DPP6: variants seen among roughly 807,000 people sequenced by gnomAD.
DPP6 encodes dipeptidyl peptidase like 6.
In DPP6, 69 loss-of-function variants were observed where a neutral mutation model predicts 122.6. That is an observed-to-expected ratio of 0.56 (90% CI 0.46 to 0.69). The LOEUF is 0.69. Ranked by LOEUF, DPP6 falls within the 30% of genes least tolerant of loss-of-function variation. The probability of loss-of-function intolerance (pLI) is 0.00; values close to 1 mark genes in which losing one functional copy is unlikely to be tolerated. For missense variants in DPP6, 928 were observed against 1,116.9 expected (o/e 0.83, Z 2.41); for synonymous variants, 418 against 433.1 (o/e 0.97, Z 0.43).
chr7:153,897,638 C>A (rs1422734462), intron 1 of DPP6, among the ~76,000 whole-genome samples: 1 of 152,144 alleles, frequency 6.6e-6, no homozygotes, highest in Non-Finnish European at 1.5e-5. Context: ...GGGAAAATGT[C>A]TCTATTTCTT....
In DPP6 at chr7:154,408,173, G is replaced by C. The variant is rs565545841; in HGVS notation, c.244-38041G>C. Among the ~76,000 whole-genome samples, 6 of 152,212 alleles carry C rather than the reference G, an allele frequency of 3.9e-5. No homozygotes were observed. In the East Asian group the frequency reaches 9.7e-4, roughly 25 times the overall value. Reference sequence around the variant, plus strand: ...TAATAGTATTTACTAATGTTTCAAGGTAGAAAAATGAAATATGAATTAGGA... The same window carrying C: ...TAATAGTATTTACTAATGTTTCAAGCTAGAAAAATGAAATATGAATTAGGA... On this transcript the variant is annotated intron_variant, in intron 1 of 25. Transcript: ENST00000377770.
At chr7:154,851,261 A>G (rs1802359368) in intron 16 of DPP6, among the ~76,000 whole-genome samples, 1 of 152,212 alleles carries the variant, frequency 6.6e-6, no homozygotes, top group Non-Finnish European at 1.5e-5. Context: ...TTTCCTCTGT[A>G]AAATATGGTT....
At chr7:153,885,508 G>A (rs1159233548), upstream of DPP6, among the ~76,000 whole-genome samples, 5 of 152,052 alleles carry the variant, frequency 3.3e-5, no homozygotes, top group African/African-American at 1.2e-4. Flanking sequence ...CTGAGAAGGC[G>A]CCATCTGTGA....
At chr7:154,880,043 A>G (rs1287160380) in intron 20 of DPP6, among the ~76,000 whole-genome samples, 3 of 152,252 alleles carry the variant, frequency 2.0e-5, no homozygotes, top group Non-Finnish European at 4.4e-5. Context: ...CCTCTTTACT[A>G]GAAAATGTCT....
chr7:154,182,385 C>T (rs966328838), intron 1 of DPP6, among the ~76,000 whole-genome samples: 1 of 152,100 alleles, frequency 6.6e-6, no homozygotes, highest in Non-Finnish European at 1.5e-5. Context: ...GCTCTGCTGT[C>T]CCCCTCCTCA....
intron 1 of DPP6, among the ~76,000 whole-genome samples, chr7:154,410,804 G>C (rs1816531946): frequency 6.6e-6 from 1 of 152,160 alleles, no homozygotes; most frequent in Non-Finnish European, 1.5e-5. Flanking sequence ...TTTTCCCTTA[G>C]AGCTTGATTG....
chr7:154,640,286 A>G lies in DPP6; in HGVS notation c.680+2413A>G, dbSNP rs960406152. On this transcript the variant is annotated intron_variant, in intron 6 of 25. Transcript: ENST00000377770. Reference sequence around the variant, plus strand: ...AAAAACAACAATTGGGATTAATTCAAAGGTCACAATGCAGAGAACAAACGT... The same window carrying G: ...AAAAACAACAATTGGGATTAATTCAGAGGTCACAATGCAGAGAACAAACGT... Among the ~76,000 whole-genome samples the G allele has an allele frequency of 4.6e-5, 7 of 152,282 alleles. No homozygotes were observed. In the East Asian group the frequency reaches 7.7e-4, roughly 17 times the overall value.
rs1795846616 is a variant in DPP6, at chr7:154,141,558, T to C, written c.243+88495T>C. 2.0e-5 allele frequency among the ~76,000 whole-genome samples: 3 copies of C among 152,206 alleles called. 1 individual carries two copies. The highest frequency in any genetic ancestry group is 4.1e-4 in the South Asian group (2 of 4,830). On this transcript the variant is annotated intron_variant, in intron 1 of 25. Transcript: ENST00000377770. The stretch of plus-strand genomic sequence containing the variant: ...CAGTTAATCAGCCAGTCGATGCAGG[T>C]GATGCCTGTTCCTAAATTCCTTTGG...
At chr7:153,996,971 A>G (rs1277094415) in intron 1 of DPP6, among the ~76,000 whole-genome samples, 1 of 152,114 alleles carries the variant, frequency 6.6e-6, no homozygotes, top group Non-Finnish European at 1.5e-5. Context: ...AATAAATGAC[A>G]AGGCAATTTT....
At chr7:154,616,843 A>G (rs1834294275) in intron 5 of DPP6, among the ~76,000 whole-genome samples, 1 of 152,262 alleles carries the variant, frequency 6.6e-6, no homozygotes, top group South Asian at 2.1e-4. Context: ...TGTAGGAAGC[A>G]GATGCCTACA....
chr7:154,067,897 G>GTTTTTTTTTGT (rs1554452125), intron 1 of DPP6, among the ~76,000 whole-genome samples: 2 of 143,472 alleles, frequency 1.4e-5, no homozygotes, highest in East Asian at 3.9e-4. Context: ...CCCACTCAAG[G>GTTTTTTTTTGT]TTTTTTTTTG....
chr7:153,780,823 C>T, the DPP6 span, among the ~76,000 whole-genome samples: 1 of 152,160 alleles, frequency 6.6e-6, no homozygotes, highest in East Asian at 1.9e-4. Context: ...CCTTCTGGTC[C>T]TCCAAGTTCC....
chr7:154,389,350 T>C (rs1814408750), intron 1 of DPP6, among the ~76,000 whole-genome samples: 2 of 152,318 alleles, frequency 1.3e-5, no homozygotes, highest in South Asian at 4.1e-4. Flanking sequence ...GAAATCTAGA[T>C]ATTTTCATTT....
At chr7:154,174,294 T>C (rs752614736) in intron 1 of DPP6, among the ~76,000 whole-genome samples, 4 of 152,254 alleles carry the variant, frequency 2.6e-5, no homozygotes, top group Non-Finnish European at 4.4e-5. Context: ...GAGAAGTAGA[T>C]ACACGGATTC....
At chr7:154,674,239 T>TA (rs1838751450) in intron 7 of DPP6, among the ~76,000 whole-genome samples, 1 of 152,176 alleles carries the variant, frequency 6.6e-6, no homozygotes, top group Admixed American at 6.5e-5. Flanking sequence ...TTTGTCTGTT[T>TA]ATGGGAGGTT....
intron 3 of DPP6, among the ~76,000 whole-genome samples, chr7:154,524,031 C>A (rs1015936666): frequency 6.6e-6 from 1 of 152,184 alleles, no homozygotes; most frequent in African/African-American, 2.4e-5. Flanking sequence ...TCTACACTTA[C>A]GAGTTGACAG....
chr7:154,514,410 A>G (rs1181762076), intron 3 of DPP6, among the ~76,000 whole-genome samples: 2 of 152,158 alleles, frequency 1.3e-5, no homozygotes, highest in Non-Finnish European at 2.9e-5. Flanking sequence ...TATATAATAT[A>G]AAATCCACCA....
intron 7 of DPP6, among the ~76,000 whole-genome samples, chr7:154,711,041 G>A (rs986334306): frequency 5.3e-5 from 8 of 152,214 alleles, no homozygotes; most frequent in African/African-American, 1.9e-4. Flanking sequence ...TAACTCAAGA[G>A]AAGCCGTGGA....
chr7:153,833,197 G>C, the DPP6 span, among the ~76,000 whole-genome samples: 1 of 152,166 alleles, frequency 6.6e-6, no homozygotes, highest in Non-Finnish European at 1.5e-5. Flanking sequence ...CTGCATGCAC[G>C]CTGCAAAGGG....
Sources: gnomAD v4.1 joint callset for allele counts (sites outside exome capture counted in the v4.1 genomes callset) on GRCh38, gnomAD v4.1.1 for gene constraint, MANE v1.5 for transcripts, NCBI Gene and HGNC (gene_info 2026-07-23, HGNC 2026-07-21) for gene names.